Variants in POLR2G observed in about 807,000 individuals in gnomAD.
The protein encoded by POLR2G is DNA-directed RNA polymerase II subunit RPB7.
Under a neutral mutation model 25.7 loss-of-function variants are expected in POLR2G, and 19 were observed. The observed-to-expected ratio is 0.74, with a 90% CI of 0.52 to 1.08. POLR2G has a LOEUF of 1.08. Among genes scored for constraint, POLR2G ranks in the 50% least tolerant of loss-of-function variants. POLR2G has a pLI of 0.00. For synonymous variants in POLR2G, 79 were observed against 76.0 expected (o/e 1.04, Z -0.21); for missense variants, 123 against 218.5 (o/e 0.56, Z 2.76).
rs1590928955 is a variant in POLR2G, at chr11:62,765,792, T to C, written c.471+68T>C. ...GAGAACTGTCGATTTCTTTTTTCTT[T>C]TTTTTTTTTTTTTGAGACGGAGTCT... On this transcript the variant is annotated intron_variant, in intron 6 of 7. Transcript: ENST00000301788. The C allele has an allele frequency of 1.3e-5, 10 of 790,146 alleles. No homozygotes were observed. The East Asian group carries it at 2.7e-4, about 22-fold the overall frequency. 48.9% of individuals were successfully genotyped at this position (790,146 alleles called of 1,614,324 possible). A position where few individuals can be genotyped will look rare whatever the true frequency, so the allele number is the denominator to read the frequency against.
Position 62,766,594 on chromosome 11 carries a change from G to C in POLR2G, c.*87G>C. The stretch of plus-strand genomic sequence containing the variant: ...TGTCCAGAGGTCCAGTCTGGCTGCT[G>C]TTGTGGAGGCAAGGAAGGCAACTCA... On this transcript the variant is annotated 3_prime_UTR_variant, in exon 8 of 8. Transcript: ENST00000301788. 7.5e-7 allele frequency: 1 copy of C among 1,330,300 alleles called. No homozygotes were observed. Among genetic ancestry groups the C allele is most frequent in the Non-Finnish European group, 1.1e-6 (1 of 927,650 alleles). 82.4% of individuals were successfully genotyped at this position (1,330,300 alleles called of 1,614,324 possible).
chr11:62,764,860 CT>C (rs1280684503), intron 3 of POLR2G, among the ~76,000 whole-genome samples: 1 of 151,498 alleles, frequency 6.6e-6, no homozygotes, highest in Non-Finnish European at 1.5e-5. Context: ...CAAGATCACT[CT>C]TTTGTTTTTT....
intron 3 of POLR2G, among the ~76,000 whole-genome samples, chr11:62,764,864 TG>T (rs2084106892): frequency 6.6e-6 from 1 of 151,844 alleles, no homozygotes; most frequent in South Asian, 2.1e-4. Context: ...ATCACTCTTT[TG>T]TTTTTTTTTT....
rs74738993 is a variant in POLR2G, at chr11:62,762,784, C to T, written c.123-83C>T. ...CTTTTGCTCTCCCCGACCCTACCCC[C>T]AAGAGCTCAGCGACTTTTATTGCAG... On this transcript the variant is annotated intron_variant, in intron 2 of 7. Coordinates refer to ENST00000301788, the MANE Select transcript of POLR2G (RefSeq NM_002696.3). 7.6e-6 allele frequency: 9 copies of T among 1,179,868 alleles called. No individual in the cohort carries two copies. The South Asian group carries it at 1.0e-4, about 13-fold the overall frequency. 73.1% of individuals were successfully genotyped at this position (1,179,868 alleles called of 1,614,324 possible).
intron 2 of POLR2G, 173 bp from the exon 3 acceptor site, chr11:62,762,694 T>C (rs564858544): frequency 5.2e-5 from 33 of 640,760 alleles, no homozygotes; most frequent in Non-Finnish European, 9.0e-5. Context: ...TTACACATAC[T>C]GATCTCTGTT....
chr11:62,763,029 G>A lies in POLR2G; in HGVS notation c.282+3G>A, dbSNP rs371762180. 3.1e-6 allele frequency: 5 copies of A among 1,587,758 alleles called. No homozygotes were observed. In the African/African-American group the frequency reaches 5.4e-5, roughly 17 times the overall value. ...CTGTTGTCACTCAGGTCAACAAGGT[G>A]AGACCATACATAGGGGAGGCAGTGG... is the stretch of plus-strand genomic sequence containing the variant. On this transcript the variant is annotated splice_donor_region_variant and intron_variant, in intron 3 of 7. Coordinates refer to ENST00000301788, the MANE Select transcript of POLR2G (RefSeq NM_002696.3).
intron 4 of POLR2G, 51 bp from the exon 5 acceptor site, chr11:62,765,289 C>T: frequency 6.2e-7 from 1 of 1,602,534 alleles, no homozygotes; most frequent in East Asian, 2.2e-5. Flanking sequence ...TCATCACCAT[C>T]TATTGAAGCA....
At chr11:62,766,393 C>G (rs1050725796) in intron 7 of POLR2G, 101 bp from the exon 8 acceptor site, 1 of 1,534,616 alleles carries the variant, frequency 6.5e-7, no homozygotes, top group African/African-American at 1.4e-5. Context: ...TTCATGCTGT[C>G]TGCTTGAAAG....
In POLR2G at chr11:62,766,616, C is replaced by A; in HGVS notation, c.*109C>A. On this transcript the variant is annotated 3_prime_UTR_variant, in exon 8 of 8. Transcript: ENST00000301788. ...GCTGTTGTGGAGGCAAGGAAGGCAA[C>A]TCATCCCAGAAGGCATCTGGTGCTT... is the stretch of plus-strand genomic sequence containing the variant. 1 of 1,009,110 alleles carries A rather than the reference C, an allele frequency of 9.9e-7. No homozygotes were observed. The highest frequency in any genetic ancestry group is 1.6e-6 in the Non-Finnish European group (1 of 644,816). The allele number at this position is 1,009,110 out of a possible 1,614,324, so 62.5% of individuals were successfully genotyped here. A position where few individuals can be genotyped will look rare whatever the true frequency, so the allele number is the denominator to read the frequency against.
intron 2 of POLR2G, chr11:62,762,508 C>T: frequency 2.4e-6 from 1 of 424,324 alleles, no homozygotes; most frequent in South Asian, 1.6e-5. Flanking sequence ...CCTGCAGGAA[C>T]ATGCAGATTC....
intron 7 of POLR2G, 74 bp from the exon 8 acceptor site, chr11:62,766,419 CT>C: frequency 6.4e-7 from 1 of 1,570,370 alleles, no homozygotes; most frequent in Non-Finnish European, 8.8e-7. Flanking sequence ...GGACATTTGC[CT>C]TGGGATGAGG....
At position 62,761,970 on chromosome 11, in the gene POLR2G, C is replaced by T. The variant is rs575923394; in HGVS notation, c.122+66C>T. 2.7e-5 allele frequency: 31 copies of T among 1,133,118 alleles called. No individual in the cohort carries two copies. The African/African-American group carries it at 4.2e-4, about 16-fold the overall frequency. The allele number at this position is 1,133,118 out of a possible 1,614,324, so 70.2% of individuals were successfully genotyped here. On this transcript the variant is annotated intron_variant, in intron 2 of 7. Transcript: ENST00000301788. ...GCACACGGGGCGCTATACCTGCAAC[C>T]CCTCCCCAACTCCTACTCGTCCTGC...
chr11:62,762,790 C>T, intron 2 of POLR2G, 77 bp from the exon 3 acceptor site: 1 of 1,238,330 alleles, frequency 8.1e-7, no homozygotes, highest in Non-Finnish European at 1.1e-6. Context: ...CCCCCAAGAG[C>T]TCAGCGACTT....
chr11:62,766,423 GGATGAGGAGTA>G, intron 7 of POLR2G, 60 bp from the exon 8 acceptor site: 1 of 1,573,588 alleles, frequency 6.4e-7, no homozygotes, highest in African/African-American at 1.3e-5. Context: ...ATTTGCCTTG[GGATGAGGAGTA>G]CATGGTTGTG....
chr11:62,763,844 C>T (rs558799951), intron 3 of POLR2G, among the ~76,000 whole-genome samples: 9 of 151,130 alleles, frequency 6.0e-5, no homozygotes, highest in Admixed American at 3.3e-4. Flanking sequence ...TGGGTTCAAG[C>T]GATTCCCCTG....
chr11:62,765,584 G>A (rs2084111473), intron 5 of POLR2G, 69 bp from the exon 6 acceptor site: 9 of 1,206,040 alleles, frequency 7.5e-6, no homozygotes, highest in Non-Finnish European at 1.1e-5. Flanking sequence ...CGGGCTTACA[G>A]TGAAGTGATT....
At chr11:62,766,375 A>G (rs990386879) in intron 7 of POLR2G, 99 bp downstream of exon 7, 1 of 1,516,698 alleles carries the variant, frequency 6.6e-7, no homozygotes, top group African/African-American at 1.4e-5. Flanking sequence ...AGAGAGACAG[A>G]AGAAACTTTC....
chr11:62,766,344 A>T, intron 7 of POLR2G, 68 bp downstream of exon 7: 1 of 1,519,900 alleles, frequency 6.6e-7, no homozygotes, highest in Non-Finnish European at 9.1e-7. Flanking sequence ...GGGGAGTAAT[A>T]TAGGATTCAA....
At position 62,762,922 on chromosome 11, in the gene POLR2G, C is replaced by T; in HGVS notation, c.178C>T (p.Gln60Ter). The T allele has an allele frequency of 6.2e-7, 1 of 1,611,248 alleles. No individual in the cohort carries two copies. Among genetic ancestry groups the T allele is most frequent in the Non-Finnish European group, 8.5e-7 (1 of 1,177,732 alleles). Residue 60 changes from glutamine (Q) to a stop codon, truncating the protein, a stop_gained, in exon 3 of 8, where the codon CAG becomes TAG. Coordinates refer to ENST00000301788, the MANE Select transcript of POLR2G (RefSeq NM_002696.3). LOFTEE classifies it high-confidence loss of function. ...TIDNIGAGVI[Q>*]PGRGFVLYPV... ...TGACAATATTGGTGCTGGTGTGATC[C>T]AGCCAGGCCGAGGCTTTGTCCTTTA...
Sources: gnomAD v4.1 joint callset for allele counts (sites outside exome capture counted in the v4.1 genomes callset) on GRCh38, gnomAD v4.1.1 for gene constraint, MANE v1.5 for transcripts, NCBI Gene and HGNC (gene_info 2026-07-23, HGNC 2026-07-21) for gene names.